Variants in SDK1 observed in about 807,000 individuals in gnomAD.
The protein encoded by SDK1 is protein sidekick-1.
In SDK1, 157 loss-of-function variants were observed where a neutral mutation model predicts 245.5. The ratio of observed to expected loss-of-function variants is 0.64; its 90% CI spans 0.56 to 0.73. The LOEUF is 0.73. SDK1 is among the 30% of genes least tolerant of loss of function. SDK1 has a pLI of 0.00. For synonymous variants in SDK1, 1,647 were observed against 1,278.5 expected (o/e 1.29, Z -6.15); for missense variants, 3,583 against 3,002.3 (o/e 1.19, Z -4.52).
At chr7:3,367,858 A>G (rs1320289382) in intron 1 of SDK1, among the ~76,000 whole-genome samples, 4 of 152,236 alleles carry the variant, frequency 2.6e-5, no homozygotes, top group African/African-American at 9.6e-5. Context: ...TATTATAACA[A>G]AATTGCAGTT....
intron 4 of SDK1, among the ~76,000 whole-genome samples, chr7:3,736,020 T>G (rs569291006): frequency 6.6e-6 from 1 of 152,288 alleles, no homozygotes; most frequent in South Asian, 2.1e-4. Flanking sequence ...CCTTTGCCTG[T>G]TTTTTAATCA....
chr7:3,917,477 C>T (rs1010018035), intron 5 of SDK1, among the ~76,000 whole-genome samples: 3 of 152,136 alleles, frequency 2.0e-5, no homozygotes, highest in Non-Finnish European at 4.4e-5. Context: ...GTGGAACTCA[C>T]AGGTGAGCCC....
rs1284097656 is a variant in SDK1 at position 3,357,375 on chromosome 7, G to A, written c.298+55491G>A. Among the ~76,000 whole-genome samples the A allele has an allele frequency of 1.6e-4, 14 of 86,120 alleles. No individual in the cohort carries two copies. The East Asian group carries it at 5.5e-3, about 34-fold the overall frequency. 56.5% of individuals were successfully genotyped at this position (86,120 alleles called of 152,430 possible). A position where few individuals can be genotyped will look rare whatever the true frequency, so the allele number is the denominator to read the frequency against. On this transcript the variant is annotated intron_variant, in intron 1 of 44. Coordinates refer to ENST00000404826, the MANE Select transcript of SDK1 (RefSeq NM_152744.4). ...TTTTTTTTTTTTTTTTTTGAGGCAG[G>A]GTCTCACTCTGTTGCCCAGGCTGGA...
chr7:3,442,554 T>C (rs917102079), intron 1 of SDK1, among the ~76,000 whole-genome samples: 2 of 152,236 alleles, frequency 1.3e-5, no homozygotes, highest in African/African-American at 4.8e-5. Context: ...GTTGAGGGCA[T>C]GAAGTCAACC....
chr7:4,071,054 G>A (rs112384834), intron 20 of SDK1, among the ~76,000 whole-genome samples: 108 of 151,864 alleles, frequency 7.1e-4, no homozygotes, highest in Middle Eastern at 3.4e-3. Flanking sequence ...GAAATGGAGT[G>A]TCTCTCTGTC....
At chr7:4,031,137 CTATA>C (rs1428475327) in intron 17 of SDK1, among the ~76,000 whole-genome samples, 3 of 151,892 alleles carry the variant, frequency 2.0e-5, no homozygotes, top group East Asian at 1.9e-4. Flanking sequence ...ACAGATAAGT[CTATA>C]TACACATATT....
intron 35 of SDK1, among the ~76,000 whole-genome samples, chr7:4,193,146 A>G (rs1252021292): frequency 7.6e-6 from 1 of 131,170 alleles, no homozygotes; most frequent in Non-Finnish European, 1.6e-5. Context: ...ATATTAATAT[A>G]TTTATATAAT....
intron 1 of SDK1, among the ~76,000 whole-genome samples, chr7:3,549,916 G>A (rs188088731): frequency 6.6e-6 from 1 of 151,946 alleles, no homozygotes; most frequent in East Asian, 1.9e-4. Flanking sequence ...AACCCATTTT[G>A]GTGCATGTGG....
At position 3,545,520 on chromosome 7, in the gene SDK1, A is replaced by G. The variant is rs145771657; in HGVS notation, c.299-73560A>G. Among the ~76,000 whole-genome samples, 509 of 152,254 alleles carry G rather than the reference A, an allele frequency of 3.3e-3. 1 individual carries two copies. The highest frequency in any genetic ancestry group is 0.012 in the African/African-American group (494 of 41,546). ...TTAATGCAAATATTTATCTGCGTGT[A>G]TTTTCTTTTCCTACTGAAATGTGAA... On this transcript the variant is annotated intron_variant, in intron 1 of 44. Coordinates refer to ENST00000404826, the MANE Select transcript of SDK1 (RefSeq NM_152744.4).
At chr7:4,091,338 T>TCTTTTC (rs1554337382) in intron 22 of SDK1, among the ~76,000 whole-genome samples, 240 of 131,076 alleles carry the variant, frequency 1.8e-3, no homozygotes, top group African/African-American at 6.9e-3. Flanking sequence ...TCTTTTCTTT[T>TCTTTTC]TTTTTTTTTT....
intron 1 of SDK1, among the ~76,000 whole-genome samples, chr7:3,483,335 A>G (rs1379486954): frequency 6.6e-6 from 1 of 152,018 alleles, no homozygotes; most frequent in Admixed American, 6.6e-5. Flanking sequence ...TTTTATACCC[A>G]CTTTTCCATT....
chr7:3,915,270 G>A (rs1779329738), intron 5 of SDK1, among the ~76,000 whole-genome samples: 1 of 152,162 alleles, frequency 6.6e-6, no homozygotes, highest in African/African-American at 2.4e-5. Flanking sequence ...CCTTGTTGGA[G>A]CCAGGGGAGT....
intron 1 of SDK1, among the ~76,000 whole-genome samples, chr7:3,457,753 C>T (rs190025146): frequency 6.6e-6 from 1 of 152,170 alleles, no homozygotes; most frequent in African/African-American, 2.4e-5. Context: ...CCAGACAGCT[C>T]TCATCTTGGC....
At chr7:3,766,456 C>G (rs1370133280) in intron 4 of SDK1, among the ~76,000 whole-genome samples, 1 of 152,136 alleles carries the variant, frequency 6.6e-6, no homozygotes, top group East Asian at 1.9e-4. Flanking sequence ...CAGTCACTTC[C>G]TTGTATGCCT....
Position 3,408,559 on chromosome 7 carries a change from G to A in SDK1, c.298+106675G>A, listed in dbSNP as rs374657874. Among the ~76,000 whole-genome samples the A allele has an allele frequency of 1.4e-4, 21 of 152,246 alleles. No homozygotes were observed. In the East Asian group the frequency reaches 3.5e-3, roughly 25 times the overall value. Reference sequence around the variant, plus strand: ...ATGAAGAAATATTTAATACATGTGAGTATCTCATTTGTTTTGTTATTCAAG... The same window carrying A: ...ATGAAGAAATATTTAATACATGTGAATATCTCATTTGTTTTGTTATTCAAG... On this transcript the variant is annotated intron_variant, in intron 1 of 44. Transcript: ENST00000404826.
chr7:3,675,221 T>C (rs1452594607), intron 4 of SDK1, among the ~76,000 whole-genome samples: 2 of 152,222 alleles, frequency 1.3e-5, no homozygotes, highest in Non-Finnish European at 2.9e-5. Flanking sequence ...CCTTGATCTT[T>C]CACCCATAGC....
chr7:4,250,432 C>T (rs921610489), intron 44 of SDK1, among the ~76,000 whole-genome samples: 29 of 152,138 alleles, frequency 1.9e-4, no homozygotes, highest in Non-Finnish European at 3.7e-4. Context: ...TAACCTCCGC[C>T]TCCTGGGTTC....
intron 5 of SDK1, among the ~76,000 whole-genome samples, chr7:3,936,599 A>T (rs900103511): frequency 3.3e-5 from 5 of 151,582 alleles, no homozygotes; most frequent in South Asian, 4.2e-4. Flanking sequence ...AAAAAAAAAA[A>T]TTTTGGAGAT....
At chr7:4,205,732 T>TA in intron 35 of SDK1, 147 bp from the exon 36 acceptor site, 1 of 682,122 alleles carries the variant, frequency 1.5e-6, no homozygotes, top group South Asian at 1.8e-5. Flanking sequence ...TAAGGCCTCC[T>TA]AAGCCAGGGC....
Sources: gnomAD v4.1 joint callset for allele counts (sites outside exome capture counted in the v4.1 genomes callset) on GRCh38, gnomAD v4.1.1 for gene constraint, MANE v1.5 for transcripts, NCBI Gene and HGNC (gene_info 2026-07-23, HGNC 2026-07-21) for gene names.